Variants in IGF2BP2 observed in about 807,000 individuals in gnomAD.
The protein encoded by IGF2BP2 is insulin-like growth factor 2 mRNA-binding protein 2.
In IGF2BP2, 17 loss-of-function variants were observed where a neutral mutation model predicts 75.8. That is an observed-to-expected ratio of 0.22 (90% CI 0.15 to 0.34). IGF2BP2 has a LOEUF of 0.34. Among genes scored for constraint, IGF2BP2 ranks in the 10% least tolerant of loss-of-function variants. IGF2BP2 has a pLI of 1.00. For synonymous variants in IGF2BP2, 288 were observed against 295.6 expected (o/e 0.97, Z 0.26); for missense variants, 516 against 772.4 (o/e 0.67, Z 3.93).
intron 2 of IGF2BP2, among the ~76,000 whole-genome samples, chr3:185,803,981 A>G (rs572420796): frequency 9.3e-4 from 141 of 151,884 alleles, no homozygotes; most frequent in South Asian, 1.9e-3. Flanking sequence ...AAAATTGGCC[A>G]GGTGCAGCGG....
At chr3:185,744,418 T>C (rs1271026957) in intron 2 of IGF2BP2, among the ~76,000 whole-genome samples, 2 of 152,194 alleles carry the variant, frequency 1.3e-5, no homozygotes, top group East Asian at 1.9e-4. Context: ...TAAATGTTCA[T>C]TGTAGGAAAT....
At chr3:185,746,635 T>G (rs1040269107) in intron 2 of IGF2BP2, among the ~76,000 whole-genome samples, 2 of 152,288 alleles carry the variant, frequency 1.3e-5, no homozygotes, top group South Asian at 4.2e-4. Context: ...TGTACCTTTA[T>G]GAGGAAGATT....
chr3:185,760,978 C>T (rs1367468912), intron 2 of IGF2BP2, among the ~76,000 whole-genome samples: 1 of 151,898 alleles, frequency 6.6e-6, no homozygotes, highest in Non-Finnish European at 1.5e-5. Flanking sequence ...TTTTCTTATA[C>T]TTCAAATATT....
At chr3:185,745,799 A>AT (rs146008538) in intron 2 of IGF2BP2, among the ~76,000 whole-genome samples, 27,867 of 152,156 alleles carry the variant, frequency 0.18, 3,024 homozygotes, top group Middle Eastern at 0.28. Context: ...ACAGGTTGAA[A>AT]TATCACTCGC....
At chr3:185,680,673 G>C (rs1352848975) in intron 7 of IGF2BP2, among the ~76,000 whole-genome samples, 1 of 152,228 alleles carries the variant, frequency 6.6e-6, no homozygotes, top group Non-Finnish European at 1.5e-5. Context: ...GCTGGGCGCA[G>C]TGGCTTATGC....
At chr3:185,658,133 A>T (rs555202838) in intron 11 of IGF2BP2, among the ~76,000 whole-genome samples, 1 of 152,332 alleles carries the variant, frequency 6.6e-6, no homozygotes, top group Non-Finnish European at 1.5e-5. Context: ...CAGGTGCAAC[A>T]GCAACGGCCT....
intron 2 of IGF2BP2, among the ~76,000 whole-genome samples, chr3:185,730,971 G>A (rs1728086194): frequency 6.6e-6 from 1 of 151,862 alleles, no homozygotes; most frequent in African/African-American, 2.4e-5. Flanking sequence ...TTTCTCTGAT[G>A]GTTAGTAATG....
chr3:185,773,879 C>T (rs2149766717), intron 2 of IGF2BP2, among the ~76,000 whole-genome samples: 1 of 152,334 alleles, frequency 6.6e-6, no homozygotes, highest in African/African-American at 2.4e-5. Context: ...ACATTTTTAA[C>T]GTGCTGAGCA....
intron 2 of IGF2BP2, among the ~76,000 whole-genome samples, chr3:185,787,256 G>T (rs1415251146): frequency 6.6e-6 from 1 of 152,010 alleles, no homozygotes; most frequent in East Asian, 1.9e-4. Flanking sequence ...ACGCTCCTGA[G>T]TTGCACACTT....
At chr3:185,820,259 CACACACACACACACAT>C (rs1741199495) in intron 2 of IGF2BP2, among the ~76,000 whole-genome samples, 9 of 121,664 alleles carry the variant, frequency 7.4e-5, no homozygotes, top group Admixed American at 2.3e-4. Flanking sequence ...CACACACACA[CACACACACACACACAT>C]AATTTTTAAG....
In IGF2BP2 at chr3:185,758,141, T is replaced by C. The variant is rs189521629; in HGVS notation, c.240-59794A>G. 2.6e-5 allele frequency among the ~76,000 whole-genome samples: 4 copies of C among 152,310 alleles called. No homozygotes were observed. The East Asian group carries it at 5.8e-4, about 22-fold the overall frequency. ...TTCTGAATGGCAACAGGAGATGATA[T>C]AGGCAGTCTCTGCCTTCATACGTTC... On this transcript the variant is annotated intron_variant, in intron 2 of 15. Coordinates refer to ENST00000382199, the MANE Select transcript of IGF2BP2 (RefSeq NM_006548.6).
intron 2 of IGF2BP2, among the ~76,000 whole-genome samples, chr3:185,792,325 C>T (rs1736750616): frequency 6.6e-6 from 1 of 152,106 alleles, no homozygotes; most frequent in Admixed American, 6.6e-5. Context: ...AAAAACAGGG[C>T]TGGGCGGGGT....
At chr3:185,720,618 T>C (rs1170116448) in intron 2 of IGF2BP2, among the ~76,000 whole-genome samples, 1 of 152,224 alleles carries the variant, frequency 6.6e-6, no homozygotes, top group Non-Finnish European at 1.5e-5. Context: ...TGTTGGTCTG[T>C]TGTGATATCT....
At chr3:185,735,071 T>C (rs1026575705) in intron 2 of IGF2BP2, among the ~76,000 whole-genome samples, 13 of 152,114 alleles carry the variant, frequency 8.5e-5, no homozygotes, top group African/African-American at 3.1e-4. Context: ...CTAAAGAAAA[T>C]ATATTAATTT....
chr3:185,754,052 T>C (rs572477283), intron 2 of IGF2BP2, among the ~76,000 whole-genome samples: 2 of 151,176 alleles, frequency 1.3e-5, no homozygotes, highest in Non-Finnish European at 2.9e-5. Context: ...AAAAAAAAAA[T>C]ACAAACATTA....
chr3:185,802,426 A>G (rs1179802076), intron 2 of IGF2BP2, among the ~76,000 whole-genome samples: 1 of 152,054 alleles, frequency 6.6e-6, no homozygotes, highest in Non-Finnish European at 1.5e-5. Flanking sequence ...ATAACAGAAG[A>G]TTCCTCAGAG....
intron 2 of IGF2BP2, chr3:185,718,001 T>C (rs547308018): frequency 6.6e-6 from 1 of 152,416 alleles, no homozygotes; most frequent in East Asian, 1.9e-4. Flanking sequence ...TTGCATGGGC[T>C]GTACTAACGA....
intron 2 of IGF2BP2, among the ~76,000 whole-genome samples, chr3:185,733,164 A>C (rs1253740138): frequency 6.6e-6 from 1 of 152,256 alleles, no homozygotes; most frequent in African/African-American, 2.4e-5. Flanking sequence ...CCTACAAAGT[A>C]AGAATCTTGG....
In IGF2BP2 at chr3:185,719,800, C is replaced by A. The variant is rs577833889; in HGVS notation, c.240-21453G>T. On this transcript the variant is annotated intron_variant, in intron 2 of 15. Coordinates refer to ENST00000382199, the MANE Select transcript of IGF2BP2 (RefSeq NM_006548.6). ...AGTGAGCCGAGATCACGCCACTGCA[C>A]TCCAGCCTGGGTGACAGAGCGAGAC... Among the ~76,000 whole-genome samples, 65 of 152,118 alleles carry A rather than the reference C, an allele frequency of 4.3e-4. 1 individual carries two copies. Among genetic ancestry groups the A allele is most frequent in the African/African-American group, 1.5e-3 (64 of 41,490 alleles).
Sources: gnomAD v4.1 joint callset for allele counts (sites outside exome capture counted in the v4.1 genomes callset) on GRCh38, gnomAD v4.1.1 for gene constraint, MANE v1.5 for transcripts, NCBI Gene and HGNC (gene_info 2026-07-23, HGNC 2026-07-21) for gene names.